The following RYR3 variants were observed in gnomAD, a reference collection of about 807,000 sequenced individuals.
The protein encoded by RYR3 is ryanodine receptor 3.
A neutral mutation model predicts 584.3 loss-of-function variants in RYR3; 207 were observed. That is an observed-to-expected ratio of 0.35 (90% CI 0.32 to 0.40). RYR3 has a LOEUF of 0.40. Ranked by LOEUF, RYR3 falls within the 10% of genes least tolerant of loss-of-function variation. RYR3 has a pLI of 1.00. For synonymous variants in RYR3, 2,416 were observed against 2,248.5 expected (o/e 1.07, Z -2.11); for missense variants, 5,616 against 6,089.2 (o/e 0.92, Z 2.59).
intron 98 of RYR3, among the ~76,000 whole-genome samples, chr15:33,855,511 T>G (rs1174869388): frequency 1.3e-5 from 2 of 152,174 alleles, no homozygotes; most frequent in Non-Finnish European, 2.9e-5. Flanking sequence ...GCCGGAGATC[T>G]TTTTAAGGTC....
chr15:33,783,873 C>T (rs529035782), intron 65 of RYR3, among the ~76,000 whole-genome samples: 103 of 152,292 alleles, frequency 6.8e-4, no homozygotes, highest in Non-Finnish European at 1.1e-3. Context: ...TGCAAATGAC[C>T]ATATCTGACC....
intron 98 of RYR3, 84 bp downstream of exon 98, chr15:33,854,996 A>T (rs1233484915): frequency 9.2e-6 from 12 of 1,305,326 alleles, no homozygotes; most frequent in Non-Finnish European, 1.2e-5. Flanking sequence ...AGTATATGAC[A>T]GGAAGGAATA....
chr15:33,556,099 C>T (rs1033611171), intron 10 of RYR3, among the ~76,000 whole-genome samples: 1 of 152,202 alleles, frequency 6.6e-6, no homozygotes, highest in Non-Finnish European at 1.5e-5. Flanking sequence ...GAATGGGCTC[C>T]ACCTTCCCAT....
At chr15:33,726,148 A>G (rs907360491) in intron 45 of RYR3, among the ~76,000 whole-genome samples, 9 of 152,110 alleles carry the variant, frequency 5.9e-5, no homozygotes, top group Non-Finnish European at 5.9e-5. Flanking sequence ...GGCCACTTTA[A>G]TAACAGCAAA....
chr15:33,669,960 C>A (rs1301015006), intron 37 of RYR3, among the ~76,000 whole-genome samples: 1 of 149,984 alleles, frequency 6.7e-6, no homozygotes, highest in African/African-American at 2.5e-5. Flanking sequence ...TGGATACGTA[C>A]CTACTGGTTT....
At chr15:33,794,172 A>G (rs1472802994) in intron 67 of RYR3, among the ~76,000 whole-genome samples, 4 of 88,354 alleles carry the variant, frequency 4.5e-5, no homozygotes, top group Non-Finnish European at 9.5e-5. Context: ...ATATATACAA[A>G]TATACATTAT....
chr15:33,825,340 C>T (rs922424884), intron 81 of RYR3, among the ~76,000 whole-genome samples: 3 of 152,168 alleles, frequency 2.0e-5, no homozygotes, highest in African/African-American at 7.2e-5. Context: ...AAGACTCAAA[C>T]TGGACAGACA....
intron 1 of RYR3, among the ~76,000 whole-genome samples, chr15:33,386,827 T>C (rs1157492850): frequency 6.6e-6 from 1 of 152,152 alleles, no homozygotes; most frequent in Admixed American, 6.5e-5. Flanking sequence ...ATTCATGTTG[T>C]ATCATGTGTC....
intron 24 of RYR3, among the ~76,000 whole-genome samples, chr15:33,634,044 TTTTTG>T (rs538289868): frequency 1.3e-5 from 2 of 152,080 alleles, no homozygotes; most frequent in Non-Finnish European, 2.9e-5. Flanking sequence ...TTTAAAGTGT[TTTTTG>T]TTTTGTTTTG....
intron 86 of RYR3, among the ~76,000 whole-genome samples, chr15:33,832,837 C>T (rs2077774987): frequency 6.6e-6 from 1 of 151,464 alleles, no homozygotes. Flanking sequence ...TGGTGAAACC[C>T]CATCTCTACT....
intron 1 of RYR3, among the ~76,000 whole-genome samples, chr15:33,442,602 G>A (rs2046321268): frequency 6.6e-6 from 1 of 152,228 alleles, no homozygotes; most frequent in Non-Finnish European, 1.5e-5. Context: ...TAAAACCACA[G>A]ATTATAGCCG....
At chr15:33,668,853 A>T (rs2063644679) in intron 36 of RYR3, among the ~76,000 whole-genome samples, 1 of 152,252 alleles carries the variant, frequency 6.6e-6, no homozygotes, top group Non-Finnish European at 1.5e-5. Flanking sequence ...AAGGAAACTC[A>T]AACCAGCTTT....
intron 47 of RYR3, among the ~76,000 whole-genome samples, chr15:33,729,518 T>C (rs1341560183): frequency 1.3e-5 from 2 of 152,274 alleles, no homozygotes; most frequent in East Asian, 1.9e-4. Flanking sequence ...CTTAGTTTCA[T>C]GTACTGACCA....
At chr15:33,711,167 T>C (rs1356017218) in intron 43 of RYR3, among the ~76,000 whole-genome samples, 3 of 152,166 alleles carry the variant, frequency 2.0e-5, no homozygotes, top group Admixed American at 1.3e-4. Context: ...TTTCCAACTT[T>C]AAGTCATTTA....
chr15:33,757,543 G>T lies in RYR3; in HGVS notation c.8652G>T (p.Lys2884Asn). Residue 2884 changes from lysine to asparagine, a missense_variant, in exon 60 of 104, where the codon AAG becomes AAT. Lys to Asn is a moderately conservative substitution (Grantham distance 94, BLOSUM62 0). This residue lies in a region of RYR3 where 1,280 missense variants were observed against 1,426.2 expected (regional missense o/e 0.90). Coordinates refer to ENST00000634891, the MANE Select transcript of RYR3 (RefSeq NM_001036.6). Reference protein sequence around the residue: ...HCLYFLSSPLKPLSSSGYASH... With the variant: ...HCLYFLSSPLNPLSSSGYASH... The stretch of plus-strand genomic sequence containing the variant: ...TCTACTTCTTGTCATCCCCTCTGAA[G>T]CCCCTTAGCAGCAGCGGATATGCCT... The T allele has an allele frequency of 1.9e-6, 3 of 1,611,622 alleles. No individual in the cohort carries two copies. The highest frequency in any genetic ancestry group is 2.5e-6 in the Non-Finnish European group (3 of 1,179,198).
At chr15:33,433,563 GA>G (rs199722956) in intron 1 of RYR3, among the ~76,000 whole-genome samples, 3 of 152,150 alleles carry the variant, frequency 2.0e-5, no homozygotes, top group Non-Finnish European at 4.4e-5. Flanking sequence ...GTAGGAGTAT[GA>G]AAAAGGGTAA....
rs67084115 is a variant in RYR3 at position 33,725,994 on chromosome 15, A to AAC, written c.6913-391_6913-390insCA. Among the ~76,000 whole-genome samples, 4 of 44,558 alleles carry AAC rather than the reference A, an allele frequency of 9.0e-5. 1 individual carries two copies. Among genetic ancestry groups the AAC allele is most frequent in the Non-Finnish European group, 2.6e-4 (4 of 15,614 alleles). 29.2% of individuals were successfully genotyped at this position (44,558 alleles called of 152,430 possible). On this transcript the variant is annotated intron_variant, in intron 45 of 103. Coordinates refer to ENST00000634891, the MANE Select transcript of RYR3 (RefSeq NM_001036.6). ...CCCCCCCCAAAAAAAAAAAAAAAAA[A>AAC]AAACAGAATTCTAGAGTCTGGCATT...
chr15:33,335,291 G>A (rs8042741), intron 1 of RYR3, among the ~76,000 whole-genome samples: 104,836 of 152,154 alleles, frequency 0.69, 36,996 homozygotes, highest in African/African-American at 0.86. Context: ...ATGCCCATCA[G>A]TGATAGACTG....
chr15:33,701,153 C>G lies in RYR3; in HGVS notation c.6483+73C>G, dbSNP rs1596231715. The G allele has an allele frequency of 4.3e-6, 4 of 940,242 alleles. No individual in the cohort carries two copies. The East Asian group carries it at 7.9e-5, about 19-fold the overall frequency. The allele number at this position is 940,242 out of a possible 1,614,324, so 58.2% of individuals were successfully genotyped here. On this transcript the variant is annotated intron_variant, in intron 42 of 103. Coordinates refer to ENST00000634891, the MANE Select transcript of RYR3 (RefSeq NM_001036.6). ...TGCAGCTAAGCTAAGGATAAGCAGA[C>G]CACGGATGGAGTCTCTGTCACTGTA...
Sources: gnomAD v4.1 joint callset for allele counts (sites outside exome capture counted in the v4.1 genomes callset) on GRCh38, gnomAD v4.1.1 for gene constraint, gnomAD v4.1.1 regional missense constraint, MANE v1.5 for transcripts, NCBI Gene and HGNC (gene_info 2026-07-23, HGNC 2026-07-21) for gene names.